The following LNX1 variants were observed in gnomAD, a reference collection of about 807,000 sequenced individuals.
LNX1 encodes the protein E3 ubiquitin-protein ligase LNX.
A neutral mutation model predicts 68.4 loss-of-function variants in LNX1; 54 were observed. The ratio of observed to expected loss-of-function variants is 0.79; its 90% CI spans 0.63 to 0.99. The LOEUF is 0.99. Among genes scored for constraint, LNX1 ranks in the 50% least tolerant of loss-of-function variants. The probability of loss-of-function intolerance (pLI) is 0.00; values close to 1 mark genes in which losing one functional copy is unlikely to be tolerated. For synonymous variants in LNX1, 336 were observed against 350.0 expected, an observed-to-expected ratio of 0.96 and a Z score of 0.45; for missense variants, 906 against 926.4, an observed-to-expected ratio of 0.98 and a Z score of 0.29.
At chr4:53,584,779 C>A (rs1560681553) in intron 1 of LNX1, among the ~76,000 whole-genome samples, 1 of 152,232 alleles carries the variant, frequency 6.6e-6, no homozygotes, top group Admixed American at 6.5e-5. Flanking sequence ...CCCTACAGCA[C>A]CTACCAGCTT....
intron 2 of LNX1, among the ~76,000 whole-genome samples, chr4:53,566,003 A>T (rs1351009084): frequency 6.6e-6 from 1 of 151,964 alleles, no homozygotes; most frequent in Non-Finnish European, 1.5e-5. Context: ...CTATGTGAAG[A>T]GACCAAATCT....
intron 2 of LNX1, among the ~76,000 whole-genome samples, chr4:53,519,503 C>T (rs1055607470): frequency 1.3e-5 from 2 of 151,222 alleles, no homozygotes; most frequent in African/African-American, 4.9e-5. Flanking sequence ...AACTTCCCCC[C>T]ACTGGTTGTA....
chr4:53,461,608 A>C lies in LNX1; in HGVS notation c.1893-15T>G. 1 of 1,599,578 alleles carries C rather than the reference A, an allele frequency of 6.3e-7. No individual in the cohort carries two copies. Among genetic ancestry groups the C allele is most frequent in the Non-Finnish European group, 8.6e-7 (1 of 1,169,226 alleles). On this transcript the variant is annotated splice_polypyrimidine_tract_variant and intron_variant, in intron 9 of 10. Transcript: ENST00000263925. ...TATACAAGCACCTGAAATAGAATGT[A>C]ATCAGTGTACATGCATATTTAAGTT...
At chr4:53,569,033 A>G (rs1283644372) in intron 2 of LNX1, among the ~76,000 whole-genome samples, 1 of 150,826 alleles carries the variant, frequency 6.6e-6, no homozygotes, top group East Asian at 2.0e-4. Flanking sequence ...AAATGGAAGA[A>G]CATTCCATGC....
In LNX1 at chr4:53,481,834, G is replaced by A; in HGVS notation, c.1371C>T (p.His457=). The A allele has an allele frequency of 6.2e-7, 1 of 1,608,968 alleles. No individual in the cohort carries two copies. Among genetic ancestry groups the A allele is most frequent in the Non-Finnish European group, 8.5e-7 (1 of 1,176,898 alleles). ...HLIQASERRV[H]LVVSRQVRQR... is the part of the protein sequence containing the mutation. ...GCCGAACCTGGCGGGACACGACGAGGTGAACACGTCTTTCACTGGCCTGGG... is the reference window on the plus strand; with the variant it reads ...GCCGAACCTGGCGGGACACGACGAGATGAACACGTCTTTCACTGGCCTGGG... Residue 457 remains histidine (H), a synonymous_variant, in exon 7 of 11, where the codon CAC becomes CAT. Transcript: ENST00000263925.
At chr4:53,595,456 G>A (rs1442526970), upstream of LNX1, among the ~76,000 whole-genome samples, 1 of 152,208 alleles carries the variant, frequency 6.6e-6, no homozygotes, top group East Asian at 1.9e-4. Context: ...TGGGCATGGG[G>A]TAATTTCTTA....
intron 2 of LNX1, among the ~76,000 whole-genome samples, chr4:53,525,387 C>A (rs925202138): frequency 6.6e-6 from 1 of 152,160 alleles, no homozygotes; most frequent in African/African-American, 2.4e-5. Flanking sequence ...GAGGTTGAGG[C>A]AGGAGAATCG....
At chr4:53,620,390 CTG>C (rs1385410883), upstream of LNX1, among the ~76,000 whole-genome samples, 3 of 152,190 alleles carry the variant, frequency 2.0e-5, no homozygotes, top group East Asian at 1.9e-4. Flanking sequence ...ATCCACCAAT[CTG>C]TGTTTTAGCA....
intron 1 of LNX1, among the ~76,000 whole-genome samples, chr4:53,634,440 C>T (rs970459373): frequency 6.6e-6 from 1 of 152,044 alleles, no homozygotes; most frequent in Non-Finnish European, 1.5e-5. Context: ...GACGGGGTTT[C>T]ACCATGTTGG....
At chr4:53,629,529 C>G (rs1734192868) in intron 1 of LNX1, among the ~76,000 whole-genome samples, 1 of 152,234 alleles carries the variant, frequency 6.6e-6, no homozygotes, top group Non-Finnish European at 1.5e-5. Context: ...AAGATGCAGT[C>G]TGCCTTCCAA....
At chr4:53,579,388 A>C (rs1731690637) in intron 1 of LNX1, 1 of 439,574 alleles carries the variant, frequency 2.3e-6, no homozygotes, top group Non-Finnish European at 3.0e-6. Flanking sequence ...ATATGGAGCC[A>C]AAACCCCCAA....
At chr4:53,591,186 C>T (rs1420914897) in intron 1 of LNX1, among the ~76,000 whole-genome samples, 2 of 152,168 alleles carry the variant, frequency 1.3e-5, no homozygotes, top group Admixed American at 1.3e-4. Context: ...GATTAAATAT[C>T]TGGCCTGGGA....
At chr4:53,591,290 C>A in intron 1 of LNX1, 98 bp downstream of exon 1, 2 of 707,462 alleles carry the variant, frequency 2.8e-6, no homozygotes, top group Non-Finnish European at 3.5e-6. Context: ...AGCGACAAGC[C>A]GTTCAGCTTG....
In LNX1 at chr4:53,590,887, G is replaced by C. The variant is rs1441761659; in HGVS notation, c.-87+501C>G. Among the ~76,000 whole-genome samples, 5 of 152,256 alleles carry C rather than the reference G, an allele frequency of 3.3e-5. No homozygotes were observed. The East Asian group carries it at 9.7e-4, about 29-fold the overall frequency. The stretch of plus-strand genomic sequence containing the variant: ...CGCACAGCTTCTGAATAGGGCAACA[G>C]AATTTGCCCTGAGGAACAGGTTTTC... On this transcript the variant is annotated intron_variant, in intron 1 of 10. Transcript: ENST00000263925.
intron 2 of LNX1, among the ~76,000 whole-genome samples, chr4:53,565,292 T>C (rs1730585209): frequency 6.6e-6 from 1 of 152,076 alleles, no homozygotes; most frequent in Non-Finnish European, 1.5e-5. Context: ...AGTACGCAGC[T>C]GGAGATCTGA....
chr4:53,615,965 C>A (rs1178042273), intron 2 of LNX1, among the ~76,000 whole-genome samples: 1 of 151,910 alleles, frequency 6.6e-6, no homozygotes, highest in Non-Finnish European at 1.5e-5. Context: ...ACTACAGTCA[C>A]CCTGTTGTGC....
At chr4:53,594,421 A>T (rs1732659003), upstream of LNX1, among the ~76,000 whole-genome samples, 1 of 152,110 alleles carries the variant, frequency 6.6e-6, no homozygotes, top group African/African-American at 2.4e-5. Flanking sequence ...GGCCATAAGA[A>T]CATGGAACTG....
chr4:53,601,225 G>A (rs1465168436), intron 2 of LNX1, among the ~76,000 whole-genome samples: 3 of 152,110 alleles, frequency 2.0e-5, no homozygotes, highest in Admixed American at 6.5e-5. Flanking sequence ...CTAGACCGGG[G>A]ATCCCTAAGT....
intron 2 of LNX1, among the ~76,000 whole-genome samples, chr4:53,564,833 A>G (rs934231358): frequency 1.2e-4 from 19 of 152,178 alleles, no homozygotes; most frequent in Non-Finnish European, 5.9e-5. Context: ...CTCACTTGGG[A>G]AGCGCAAGGA....
Sources: gnomAD v4.1 joint callset for allele counts (sites outside exome capture counted in the v4.1 genomes callset) on GRCh38, gnomAD v4.1.1 for gene constraint, MANE v1.5 for transcripts, NCBI Gene and HGNC (gene_info 2026-07-23, HGNC 2026-07-21) for gene names.